The following RALYL variants were observed in gnomAD, a reference collection of about 807,000 sequenced individuals.
RALYL encodes RNA-binding Raly-like protein.
A neutral mutation model predicts 35.1 loss-of-function variants in RALYL; 29 were observed. That is an observed-to-expected ratio of 0.83 (90% confidence interval 0.61 to 1.13). The LOEUF is 1.13. Among genes scored for constraint, RALYL ranks in the 50% most tolerant of loss-of-function variants. The pLI, the probability that RALYL is intolerant of heterozygous loss-of-function variation, is 0.00. For missense variants in RALYL, 359 were observed against 360.4 expected, an observed-to-expected ratio of 1.00 and a Z score of 0.03; for synonymous variants, 120 against 127.6, an observed-to-expected ratio of 0.94 and a Z score of 0.40.
chr8:84,876,425 A>G (rs948845909), intron 7 of RALYL, among the ~76,000 whole-genome samples: 1 of 152,228 alleles, frequency 6.6e-6, no homozygotes, highest in Non-Finnish European at 1.5e-5. Context: ...ACTTAAAATC[A>G]GTTCGGCCAG....
At chr8:84,317,274 A>G (rs1843932650) in intron 1 of RALYL, among the ~76,000 whole-genome samples, 1 of 152,190 alleles carries the variant, frequency 6.6e-6, no homozygotes, top group African/African-American at 2.4e-5. Flanking sequence ...GACCTTAAGG[A>G]TATTAAATCT....
chr8:84,183,242 TC>T (rs5892903), upstream of RALYL: 81,980 of 154,078 alleles, frequency 0.53, 24,434 homozygotes, highest in South Asian at 0.69. Flanking sequence ...GTGCTCAGCC[TC>T]AGCGTGAGGG....
At chr8:84,674,984 A>C (rs1040687279) in intron 2 of RALYL, among the ~76,000 whole-genome samples, 1 of 152,112 alleles carries the variant, frequency 6.6e-6, no homozygotes, top group African/African-American at 2.4e-5. Flanking sequence ...GATGTAAAAA[A>C]AAAAAAGGAA....
intron 2 of RALYL, among the ~76,000 whole-genome samples, chr8:84,559,744 GA>G (rs1397793552): frequency 6.6e-6 from 1 of 151,938 alleles, no homozygotes; most frequent in African/African-American, 2.4e-5. Flanking sequence ...GCTCAGGTGG[GA>G]AAAAATTAGA....
At chr8:84,643,298 G>A (rs767703036) in intron 2 of RALYL, among the ~76,000 whole-genome samples, 1 of 151,766 alleles carries the variant, frequency 6.6e-6, no homozygotes, top group Non-Finnish European at 1.5e-5. Context: ...CCTAGCAGCC[G>A]AGTCTAAATA....
intron 1 of RALYL, among the ~76,000 whole-genome samples, chr8:84,224,846 A>G (rs961815554): frequency 2.6e-5 from 4 of 152,028 alleles, no homozygotes; most frequent in Admixed American, 2.0e-4. Context: ...CAGTAGAGAC[A>G]GGGTTTCACC....
chr8:84,631,908 T>C, intron 2 of RALYL, among the ~76,000 whole-genome samples: 1 of 152,020 alleles, frequency 6.6e-6, no homozygotes, highest in East Asian at 1.9e-4. Context: ...GCATTACTTA[T>C]TTATATTATT....
chr8:84,699,957 A>G (rs527742483), intron 2 of RALYL, among the ~76,000 whole-genome samples: 68 of 152,290 alleles, frequency 4.5e-4, no homozygotes, highest in Admixed American at 1.4e-3. Flanking sequence ...TATAATCGCT[A>G]GGAAATTAAA....
At chr8:84,840,491 C>T (rs199793985) in intron 4 of RALYL, among the ~76,000 whole-genome samples, 5 of 152,198 alleles carry the variant, frequency 3.3e-5, no homozygotes, top group Non-Finnish European at 5.9e-5. Context: ...CTACGCCTGA[C>T]TGGTGTACCT....
intron 4 of RALYL, among the ~76,000 whole-genome samples, chr8:84,809,382 G>C (rs906750333): frequency 6.6e-6 from 1 of 152,122 alleles, no homozygotes; most frequent in African/African-American, 2.4e-5. Context: ...GATTTGGTTA[G>C]CTAGTATTTT....
At chr8:84,675,095 C>G (rs1489118074) in intron 2 of RALYL, among the ~76,000 whole-genome samples, 1 of 151,970 alleles carries the variant, frequency 6.6e-6, no homozygotes, top group East Asian at 1.9e-4. Context: ...AACCATAAAA[C>G]CCATAACAAA....
chr8:84,825,585 C>T (rs1283883361), intron 4 of RALYL, among the ~76,000 whole-genome samples: 1 of 152,062 alleles, frequency 6.6e-6, no homozygotes, highest in African/African-American at 2.4e-5. Context: ...AGCAAAGACA[C>T]AACCAGGTGC....
At chr8:84,189,175 G>A (rs555514506) in intron 1 of RALYL, among the ~76,000 whole-genome samples, 2 of 152,268 alleles carry the variant, frequency 1.3e-5, no homozygotes, top group Non-Finnish European at 2.9e-5. Flanking sequence ...GTAGAACGTG[G>A]AAGTCTTGCA....
At position 84,682,723 on chromosome 8, in the gene RALYL, G is replaced by T. The variant is rs181321968; in HGVS notation, c.257-91856G>T. 2.7e-3 allele frequency among the ~76,000 whole-genome samples: 417 copies of T among 151,846 alleles called. 1 individual carries two copies. Among genetic ancestry groups the T allele is most frequent in the African/African-American group, 9.0e-3 (375 of 41,468 alleles). ...AGTTTTTATTGCGTCTTTTTGATTC[G>T]TCTCTCTTTTCTTCTTTATTAGTCT... On this transcript the variant is annotated intron_variant, in intron 2 of 8. Transcript: ENST00000521268.
chr8:84,710,747 A>G (rs1842044380), intron 2 of RALYL, among the ~76,000 whole-genome samples: 1 of 152,162 alleles, frequency 6.6e-6, no homozygotes, highest in East Asian at 1.9e-4. Context: ...GCATAATATG[A>G]TGCTTTGCCC....
At chr8:84,468,103 C>T (rs1397633072) in intron 1 of RALYL, among the ~76,000 whole-genome samples, 1 of 151,400 alleles carries the variant, frequency 6.6e-6, no homozygotes, top group Non-Finnish European at 1.5e-5. Flanking sequence ...ATCCAATTTG[C>T]CAGTCTGTGT....
chr8:84,551,081 C>A (rs2060689517), intron 2 of RALYL, among the ~76,000 whole-genome samples: 2 of 151,846 alleles, frequency 1.3e-5, no homozygotes, highest in Admixed American at 6.6e-5. Context: ...TCTATTTTTC[C>A]ACTGAATAAC....
At chr8:84,660,103 C>A (rs566778846) in intron 2 of RALYL, among the ~76,000 whole-genome samples, 5 of 152,168 alleles carry the variant, frequency 3.3e-5, no homozygotes, top group African/African-American at 7.2e-5. Flanking sequence ...ATAGGCATGG[C>A]ACTTTACAAT....
At chr8:84,822,833 T>C (rs1305845454) in intron 4 of RALYL, among the ~76,000 whole-genome samples, 1 of 152,204 alleles carries the variant, frequency 6.6e-6, no homozygotes, top group Admixed American at 6.6e-5. Context: ...GAAGTAGATC[T>C]TATGATGCCA....
Sources: allele counts gnomAD v4.1 joint callset (sites outside exome capture counted in the v4.1 genomes callset), GRCh38; gene constraint gnomAD v4.1.1; transcripts MANE v1.5; gene names NCBI Gene and HGNC (gene_info 2026-07-23, HGNC 2026-07-21).